Variants in IQSEC1 observed in about 807,000 individuals in gnomAD.
IQSEC1 encodes the protein IQ motif and SEC7 domain-containing protein 1.
A neutral mutation model predicts 91.0 loss-of-function variants in IQSEC1; 31 were observed. The observed-to-expected ratio is 0.34, with a 90% CI of 0.26 to 0.46. IQSEC1 has a LOEUF of 0.46. Among genes scored for constraint, IQSEC1 ranks in the 20% least tolerant of loss-of-function variants. The pLI is 1.00. For missense variants in IQSEC1, 1,388 were observed against 1,575.6 expected (o/e 0.88, Z 2.02); for synonymous variants, 699 against 662.6 (o/e 1.05, Z -0.84).
chr3:13,257,035 A>G (rs6767852), intron 1 of IQSEC1, among the ~76,000 whole-genome samples: 1 of 152,162 alleles, frequency 6.6e-6, no homozygotes, highest in Non-Finnish European at 1.5e-5. Context: ...TTTGTAAAAA[A>G]GAAAAAATAA....
chr3:13,223,926 G>A (rs1327725848), intron 1 of IQSEC1, among the ~76,000 whole-genome samples: 2 of 152,194 alleles, frequency 1.3e-5, no homozygotes, highest in African/African-American at 4.8e-5. Context: ...AATGAGCTTT[G>A]GAAGGGAATG....
At chr3:13,233,880 G>C (rs1291001191) in intron 1 of IQSEC1, among the ~76,000 whole-genome samples, 1 of 152,134 alleles carries the variant, frequency 6.6e-6, no homozygotes, top group Admixed American at 6.5e-5. Flanking sequence ...TGTAACATGG[G>C]GATAATTCTA....
rs752707238 is a variant in IQSEC1 at position 12,935,836 on chromosome 3, C to T, written c.1180G>A (p.Glu394Lys). ...RGSLKRQSAY[E>K]RSLGGQQGSP... ...CCCTGCTGCCCGCCAAGGCTGCGCT[C>T]GTAAGCACTCTGCCTCTTGAGTGAC... is the stretch of plus-strand genomic sequence containing the variant. The change falls in exon 3 of 14, where the codon GAG becomes AAG. Residue 394 changes from glutamate to lysine, a missense_variant. Physicochemically the swap from Glu to Lys is moderately conservative, Grantham distance 56. Transcript: ENST00000613206. This position sits in a 1 kb window ranked among gnomAD's most constrained non-coding sequence, Gnocchi z 8.0. 51 of 1,608,188 alleles carry T rather than the reference C, an allele frequency of 3.2e-5. No individual in the cohort carries two copies. The highest frequency in any genetic ancestry group is 5.0e-5 in the Admixed American group (3 of 60,006).
intron 2 of IQSEC1, among the ~76,000 whole-genome samples, chr3:12,939,233 C>T (rs1023644588): frequency 6.6e-6 from 1 of 152,254 alleles, no homozygotes; most frequent in African/African-American, 2.4e-5. Flanking sequence ...GAGGAGTCGA[C>T]CCCGTGGCCA....
In IQSEC1 at chr3:13,156,315, G is replaced by A. The variant is rs59516539; in HGVS notation, c.302+7789C>T. 6.2e-3 allele frequency among the ~76,000 whole-genome samples: 943 copies of A among 152,130 alleles called. 10 individuals carry two copies. Among genetic ancestry groups the A allele is most frequent in the African/African-American group, 0.021 (878 of 41,532 alleles). ...TGGAAAGAAACTACCTCAACATAAT[G>A]AAGACCATATACAAAAAATCCACAG... On this transcript the variant is annotated intron_variant, in intron 2 of 15. Coordinates refer to the IQSEC1 transcript ENST00000648114.
Position 12,944,917 on chromosome 3 carries a change from T to C in IQSEC1, c.24-3052A>G, listed in dbSNP as rs527646085. Among the ~76,000 whole-genome samples, 11 of 152,274 alleles carry C rather than the reference T, an allele frequency of 7.2e-5. No homozygotes were observed. The East Asian group carries it at 2.1e-3, about 29-fold the overall frequency. ...CCAGGATGGAGGAGCAATGTTCACCTCAAGTCTGAAGGAATTCCACCCTTC... is the reference window on the plus strand; with the variant it reads ...CCAGGATGGAGGAGCAATGTTCACCCCAAGTCTGAAGGAATTCCACCCTTC... On this transcript the variant is annotated intron_variant, in intron 1 of 13. Transcript: ENST00000613206.
At chr3:13,068,066 T>C (rs1416982109) in intron 1 of IQSEC1, among the ~76,000 whole-genome samples, 1 of 152,204 alleles carries the variant, frequency 6.6e-6, no homozygotes, top group African/African-American at 2.4e-5. Context: ...GCAGGAGGCT[T>C]AGGCCCAGTG....
chr3:13,054,809 C>T lies in IQSEC1; in HGVS notation c.23+18183G>A, dbSNP rs545971705. Among the ~76,000 whole-genome samples, 6 of 152,332 alleles carry T rather than the reference C, an allele frequency of 3.9e-5. No homozygotes were observed. The South Asian group carries it at 1.0e-3, about 26-fold the overall frequency. On this transcript the variant is annotated intron_variant, in intron 1 of 13. Transcript: ENST00000613206. ...TCACACGGTGGGACCCCAGGAGCCA[C>T]GGCAGGGCACTCGGGTCAGACGGAC...
At position 12,936,421 on chromosome 3, in the gene IQSEC1, C is replaced by G; in HGVS notation, c.595G>C (p.Glu199Gln). 1 of 1,599,100 alleles carries G rather than the reference C, an allele frequency of 6.3e-7. No individual in the cohort carries two copies. The highest frequency in any genetic ancestry group is 8.5e-7 in the Non-Finnish European group (1 of 1,171,032). ...GSQLGALVSP[E>Q]CGDLSEPTTL... is the part of the protein sequence containing the mutation. ...GTGGGCTCGCTGAGGTCACCACACT[C>G]AGGGGACACCAGGGCTCCCAGCTGG... The change falls in exon 3 of 14, where the codon GAG (glutamate) becomes CAG (glutamine). Residue 199 changes from glutamate to glutamine, a missense_variant. Coordinates refer to ENST00000613206, the MANE Select transcript of IQSEC1 (RefSeq NM_001134382.3).
At chr3:13,123,186 C>T (rs1272567744) in intron 2 of IQSEC1, among the ~76,000 whole-genome samples, 1 of 152,226 alleles carries the variant, frequency 6.6e-6, no homozygotes, top group African/African-American at 2.4e-5. Context: ...ATACTTGGCT[C>T]AACACGGAAG....
chr3:13,058,603 G>C (rs1027131337), intron 1 of IQSEC1, among the ~76,000 whole-genome samples: 2 of 152,200 alleles, frequency 1.3e-5, no homozygotes, highest in African/African-American at 4.8e-5. Context: ...GCAGCTGCAG[G>C]GGACCTGAAG....
intron 1 of IQSEC1, among the ~76,000 whole-genome samples, chr3:13,235,526 G>T (rs545480657): frequency 6.6e-6 from 1 of 152,178 alleles, no homozygotes; most frequent in Admixed American, 6.5e-5. Flanking sequence ...GAGCACCTCA[G>T]CAGGAGGGGG....
intron 1 of IQSEC1, among the ~76,000 whole-genome samples, chr3:13,038,915 T>C (rs151113615): frequency 6.6e-6 from 1 of 151,434 alleles, no homozygotes; most frequent in East Asian, 2.0e-4. Flanking sequence ...TTTAAAAAAA[T>C]GTGCATGGGA....
chr3:13,051,909 A>T (rs942838846), intron 1 of IQSEC1, among the ~76,000 whole-genome samples: 1 of 152,216 alleles, frequency 6.6e-6, no homozygotes, highest in Non-Finnish European at 1.5e-5. Context: ...GGCTTAAAAA[A>T]AAAAACTGTT....
At chr3:13,154,938 G>A (rs1707062181) in intron 2 of IQSEC1, among the ~76,000 whole-genome samples, 1 of 151,892 alleles carries the variant, frequency 6.6e-6, no homozygotes, top group African/African-American at 2.4e-5. Context: ...GTACTTAGAG[G>A]AGAAGAAAAA....
intron 1 of IQSEC1, among the ~76,000 whole-genome samples, chr3:13,048,586 C>T (rs1236097710): frequency 6.6e-6 from 1 of 152,212 alleles, no homozygotes; most frequent in Non-Finnish European, 1.5e-5. Context: ...AGCTGGGTGC[C>T]TGCCATGGGT....
At chr3:13,249,480 G>A (rs9863671) in intron 1 of IQSEC1, among the ~76,000 whole-genome samples, 1,562 of 152,214 alleles carry the variant, frequency 0.01, 25 homozygotes, top group East Asian at 0.034. Flanking sequence ...CCCTTTGGGG[G>A]AATTTCTTAT....
In IQSEC1 at chr3:12,987,723, C is replaced by T. The variant is rs562799364; in HGVS notation, c.24-45858G>A. ...GACGAAGGATTAGAATCTGTAGCAC[C>T]CAAAGAAGCCTCCAAATCGTAAAGA... On this transcript the variant is annotated intron_variant, in intron 1 of 13. Transcript: ENST00000613206. 2.6e-5 allele frequency among the ~76,000 whole-genome samples: 4 copies of T among 152,166 alleles called. No individual in the cohort carries two copies. In the East Asian group the frequency reaches 7.7e-4, roughly 29 times the overall value.
At chr3:13,063,943 T>C (rs916607419) in intron 1 of IQSEC1, among the ~76,000 whole-genome samples, 2 of 151,824 alleles carry the variant, frequency 1.3e-5, no homozygotes, top group Admixed American at 6.6e-5. Flanking sequence ...ATACCCACCC[T>C]CACCTTTTAA....
Sources: gnomAD v4.1 joint callset for allele counts (sites outside exome capture counted in the v4.1 genomes callset) on GRCh38, gnomAD v4.1.1 for gene constraint, Gnocchi (gnomAD v3.1) non-coding constraint, MANE v1.5 for transcripts, NCBI Gene and HGNC (gene_info 2026-07-23, HGNC 2026-07-21) for gene names.